Variants in RAP1A observed in about 807,000 individuals in gnomAD.
The protein encoded by RAP1A is RAP1A, member of RAS oncogene family, also known as ras-related protein Rap-1A.
RAP1A carries 6 observed loss-of-function variants against 26.4 expected under a neutral mutation model. That is an observed-to-expected ratio of 0.23 (90% CI 0.12 to 0.45). The LOEUF is 0.45. Among genes scored for constraint, RAP1A ranks in the 20% least tolerant of loss-of-function variants. The probability of loss-of-function intolerance (pLI) is 0.99; values close to 1 mark genes in which losing one functional copy is unlikely to be tolerated. For synonymous variants in RAP1A, 73 were observed against 79.4 expected (o/e 0.92, Z 0.43); for missense variants, 121 against 217.2 (o/e 0.56, Z 2.78).
chr1:111,684,836 G>A (rs1446477467), intron 1 of RAP1A, among the ~76,000 whole-genome samples: 10 of 152,132 alleles, frequency 6.6e-5, no homozygotes, highest in Non-Finnish European at 8.8e-5. Context: ...ATGGTGCTAA[G>A]CAAAAAGAAC....
At position 111,646,434 on chromosome 1, in the gene RAP1A, ACAAAAC is replaced by A. The variant is rs777198856; in HGVS notation, c.-28+26501_-28+26506del. The stretch of plus-strand genomic sequence containing the variant: ...TTTCCTTTTTGTAAAAAAAAAAAAA[ACAAAAC>A]AAAACCTCAATTCCCAAATTATAAA... On this transcript the variant is annotated intron_variant, in intron 1 of 7. Coordinates refer to ENST00000369709, the MANE Select transcript of RAP1A (RefSeq NM_002884.4). Among the ~76,000 whole-genome samples the A allele has an allele frequency of 9.9e-4, 144 of 144,930 alleles. 1 individual carries two copies. The highest frequency in any genetic ancestry group is 8.7e-3 in the Admixed American group (127 of 14,642).
chr1:111,566,412 C>T, intron 1 of RAP1A, among the ~76,000 whole-genome samples: 1 of 152,148 alleles, frequency 6.6e-6, no homozygotes, highest in African/African-American at 2.4e-5. Flanking sequence ...CAGTCCCTAA[C>T]ACTGTAGGCT....
At chr1:111,635,272 T>C (rs1380306368) in intron 1 of RAP1A, among the ~76,000 whole-genome samples, 1 of 152,222 alleles carries the variant, frequency 6.6e-6, no homozygotes, top group Non-Finnish European at 1.5e-5. Flanking sequence ...ATATGCTGTT[T>C]TATGGATAAG....
intron 1 of RAP1A, among the ~76,000 whole-genome samples, chr1:111,680,263 C>T (rs189310137): frequency 7.4e-4 from 113 of 152,286 alleles, no homozygotes; most frequent in African/African-American, 2.6e-3. Context: ...AGCGAAAGAA[C>T]AAAGTGTCCA....
chr1:111,691,005 G>A (rs933156737), intron 1 of RAP1A, among the ~76,000 whole-genome samples: 2 of 152,174 alleles, frequency 1.3e-5, no homozygotes, highest in Non-Finnish European at 2.9e-5. Context: ...TTAAATGATA[G>A]CTTTGCAAAG....
chr1:111,694,538 C>T (rs530326473), intron 2 of RAP1A, among the ~76,000 whole-genome samples: 2 of 151,994 alleles, frequency 1.3e-5, no homozygotes, highest in African/African-American at 4.8e-5. Flanking sequence ...ATGATAAATA[C>T]GTATTTTCTA....
At chr1:111,620,414 A>C (rs1312180935) in intron 1 of RAP1A, among the ~76,000 whole-genome samples, 2 of 149,048 alleles carry the variant, frequency 1.3e-5, no homozygotes, top group Admixed American at 1.3e-4. Flanking sequence ...CTTCAAACCC[A>C]GCTCTCCCTT....
intron 1 of RAP1A, among the ~76,000 whole-genome samples, chr1:111,595,344 C>T (rs1364589281): frequency 6.6e-6 from 1 of 152,174 alleles, no homozygotes; most frequent in Non-Finnish European, 1.5e-5. Context: ...GTAGGAGTTT[C>T]TGGTACAGGG....
In RAP1A at chr1:111,641,365, TGTG is replaced by T. The variant is rs540653693; in HGVS notation, c.-28+21436_-28+21438del. Among the ~76,000 whole-genome samples, 409 of 152,292 alleles carry T rather than the reference TGTG, an allele frequency of 2.7e-3. 1 individual carries two copies. The highest frequency in any genetic ancestry group is 4.2e-3 in the Non-Finnish European group (284 of 68,020). ...CTCCTTGAGAGGAGAGAACGTATAG[TGTG>T]GTGGATTGCAACGCTGGCTTGGCTA... On this transcript the variant is annotated intron_variant, in intron 1 of 7. Transcript: ENST00000369709.
chr1:111,670,409 G>A (rs560654758), intron 1 of RAP1A, among the ~76,000 whole-genome samples: 1 of 152,226 alleles, frequency 6.6e-6, no homozygotes, highest in African/African-American at 2.4e-5. Flanking sequence ...AGGAGGCGGA[G>A]GTTACAGTGA....
At chr1:111,616,205 A>T (rs1659011102), upstream of RAP1A, among the ~76,000 whole-genome samples, 1 of 152,222 alleles carries the variant, frequency 6.6e-6, no homozygotes, top group African/African-American at 2.4e-5. Flanking sequence ...AAGGGCAGGG[A>T]AAGCAAAGTG....
intron 6 of RAP1A, among the ~76,000 whole-genome samples, chr1:111,706,455 C>CAT (rs145638494): frequency 0.052 from 7,814 of 149,710 alleles, 208 homozygotes; most frequent in Non-Finnish European, 0.061. Context: ...CTAATTCATT[C>CAT]ATATATATAT....
At chr1:111,626,949 T>C (rs1379350959) in intron 1 of RAP1A, among the ~76,000 whole-genome samples, 1 of 152,188 alleles carries the variant, frequency 6.6e-6, no homozygotes, top group Non-Finnish European at 1.5e-5. Context: ...GTGAGCATAA[T>C]AGAAGCTGGA....
intron 1 of RAP1A, among the ~76,000 whole-genome samples, chr1:111,630,534 A>C (rs902971226): frequency 3.9e-5 from 6 of 152,196 alleles, no homozygotes. Flanking sequence ...ATAATTTCAG[A>C]GGTCCCAAAT....
intron 1 of RAP1A, among the ~76,000 whole-genome samples, chr1:111,577,484 ATTC>A (rs1188479376): frequency 6.8e-6 from 1 of 147,560 alleles, no homozygotes; most frequent in Non-Finnish European, 1.5e-5. Flanking sequence ...ACATATGGGT[ATTC>A]TTTTGTAGAA....
chr1:111,684,992 A>G (rs1277992289), intron 1 of RAP1A, among the ~76,000 whole-genome samples: 1 of 152,208 alleles, frequency 6.6e-6, no homozygotes, highest in African/African-American at 2.4e-5. Flanking sequence ...ATCTACAACC[A>G]TCTGATCTTT....
chr1:111,711,241 T>A (rs1440871054), intron 7 of RAP1A, among the ~76,000 whole-genome samples: 2 of 152,032 alleles, frequency 1.3e-5, no homozygotes, highest in Non-Finnish European at 2.9e-5. Flanking sequence ...AAATGAAGAC[T>A]CCAGTTCCAG....
Position 111,619,883 on chromosome 1 carries a change from G to A in RAP1A, c.-79G>A. 2.5e-6 allele frequency: 1 copy of A among 399,074 alleles called. No homozygotes were observed. Among genetic ancestry groups the A allele is most frequent in the Non-Finnish European group, 4.4e-6 (1 of 226,630 alleles). 24.7% of individuals were successfully genotyped at this position (399,074 alleles called of 1,614,324 possible). On this transcript the variant is annotated 5_prime_UTR_variant, in exon 1 of 8. Transcript: ENST00000369709. ...CACGGCCGAGAGGAGGGAGGAGGAG[G>A]AGGAGGAGGTGGAGGAGGTGGAGGA...
In RAP1A at chr1:111,714,886, G is replaced by A. The variant is rs1045978449; in HGVS notation, c.*2485G>A. On this transcript the variant is annotated 3_prime_UTR_variant, in exon 8 of 8. Transcript: ENST00000369709. ...AGAAACTGATTTCATATTAGTATGT[G>A]TGGCTATTTAAAGTATAATGACTTT... The A allele has an allele frequency of 2.6e-5, 4 of 152,202 alleles. No individual in the cohort carries two copies. Among genetic ancestry groups the A allele is most frequent in the Non-Finnish European group, 4.4e-5 (3 of 68,036 alleles). The allele number at this position is 152,202 out of a possible 1,614,324, so 9.4% of individuals were successfully genotyped here.
Sources: gnomAD v4.1 joint callset for allele counts (sites outside exome capture counted in the v4.1 genomes callset) on GRCh38, gnomAD v4.1.1 for gene constraint, MANE v1.5 for transcripts, NCBI Gene and HGNC (gene_info 2026-07-23, HGNC 2026-07-21) for gene names.